The following MGAT4C variants were observed in gnomAD, a reference collection of about 807,000 sequenced individuals.
MGAT4C encodes the protein MGAT4 family member C.
Under a neutral mutation model 40.1 loss-of-function variants are expected in MGAT4C, and 19 were observed. The ratio of observed to expected loss-of-function variants is 0.47; its 90% CI spans 0.33 to 0.70. The LOEUF (loss-of-function observed/expected upper bound fraction) is 0.70. Among genes scored for constraint, MGAT4C ranks in the 30% least tolerant of loss-of-function variants. The pLI is 0.02. For missense variants in MGAT4C, 491 were observed against 563.2 expected, an observed-to-expected ratio of 0.87 and a Z score of 1.30; for synonymous variants, 181 against 187.1, an observed-to-expected ratio of 0.97 and a Z score of 0.27.
Position 86,100,017 on chromosome 12 carries a change from C to CTT in MGAT4C, c.-56-50296_-56-50295dup, listed in dbSNP as rs570261775. On this transcript the variant is annotated intron_variant, in intron 1 of 4. Coordinates refer to ENST00000611864, the MANE Select transcript of MGAT4C (RefSeq NM_001351288.2). Reference sequence around the variant, plus strand: ...AAACTACATTATAAGTGCACAAAAACTTTTTACTACCTTAGTTTTTTGAAT... The same window carrying CTT: ...AAACTACATTATAAGTGCACAAAAACTTTTTTTACTACCTTAGTTTTTTGAAT... Among the ~76,000 whole-genome samples the CTT allele has an allele frequency of 5.1e-3, 765 of 151,418 alleles. 4 individuals carry two copies. Among genetic ancestry groups the CTT allele is most frequent in the Middle Eastern group, 0.01 (3 of 292 alleles).
chr12:86,670,420 T>C (rs766386888), intron 2 of MGAT4C, among the ~76,000 whole-genome samples: 2 of 151,862 alleles, frequency 1.3e-5, no homozygotes, highest in African/African-American at 2.4e-5. Context: ...AAAAACTCAT[T>C]TAAGTAATTT....
intron 1 of MGAT4C, among the ~76,000 whole-genome samples, chr12:86,165,699 G>A (rs139766142): frequency 1.3e-5 from 2 of 152,138 alleles, no homozygotes; most frequent in South Asian, 4.1e-4. Flanking sequence ...AATTTAAAAC[G>A]ATGATATAAA....
At chr12:86,780,986 A>G (rs928368345) in intron 1 of MGAT4C, among the ~76,000 whole-genome samples, 2 of 150,710 alleles carry the variant, frequency 1.3e-5, no homozygotes, top group Non-Finnish European at 3.0e-5. Flanking sequence ...AAAAGACACG[A>G]TTTCATTCCT....
At position 85,959,422 on chromosome 12, in the gene MGAT4C, T is replaced by A. The variant is rs963671255; in HGVS notation, c.*19867A>T. ...TTCTTTTTTCCTTTTCTCTTCCCCT[T>A]TCTCTCTCTTTCTCTTTTTTATTTT... On this transcript the variant is annotated 3_prime_UTR_variant, in exon 5 of 5. Transcript: ENST00000611864. The A allele has an allele frequency of 6.6e-6, 1 of 152,030 alleles. No individual in the cohort carries two copies. Among genetic ancestry groups the A allele is most frequent in the African/African-American group, 2.4e-5 (1 of 41,426 alleles). The allele number at this position is 152,030 out of a possible 1,614,324, so 9.4% of individuals were successfully genotyped here.
intron 1 of MGAT4C, among the ~76,000 whole-genome samples, chr12:86,134,034 C>A: frequency 6.6e-6 from 1 of 151,792 alleles, no homozygotes; most frequent in East Asian, 1.9e-4. Flanking sequence ...TTTTATTTTT[C>A]TTGAATTCAA....
intron 2 of MGAT4C, among the ~76,000 whole-genome samples, chr12:86,641,008 G>C (rs1049933648): frequency 1.4e-4 from 21 of 152,052 alleles, no homozygotes; most frequent in Admixed American, 2.6e-4. Context: ...TTGCTGAGGA[G>C]AGCTTTACTT....
rs5799763 is a variant in MGAT4C at position 85,957,657 on chromosome 12, C to CAAAAAAAAA, written c.*21623_*21631dup. The CAAAAAAAAA allele has an allele frequency of 3.6e-3, 360 of 101,070 alleles. No homozygotes were observed. Among genetic ancestry groups the CAAAAAAAAA allele is most frequent in the Non-Finnish European group, 4.6e-3 (243 of 52,588 alleles). 6.3% of individuals were successfully genotyped at this position (101,070 alleles called of 1,614,324 possible). A position where few individuals can be genotyped will look rare whatever the true frequency, so the allele number is the denominator to read the frequency against. Reference sequence around the variant, plus strand: ...TTTACTGTAGAGTTGAATAAGAAAGCAAAAAAAAAAAAAAAAGAAAAAAGA... The same window carrying CAAAAAAAAA: ...TTTACTGTAGAGTTGAATAAGAAAGCAAAAAAAAAAAAAAAAAAAAAAAAAGAAAAAAGA... On this transcript the variant is annotated 3_prime_UTR_variant, in exon 5 of 5. Coordinates refer to ENST00000611864, the MANE Select transcript of MGAT4C (RefSeq NM_001351288.2).
chr12:86,373,697 A>G (rs1955765888), intron 3 of MGAT4C, among the ~76,000 whole-genome samples: 1 of 151,258 alleles, frequency 6.6e-6, no homozygotes, highest in Non-Finnish European at 1.5e-5. Flanking sequence ...TTACTACTGC[A>G]TTAACAAACC....
chr12:86,774,353 C>CTTTCTTTCTTTTT (rs1565981803), intron 1 of MGAT4C, among the ~76,000 whole-genome samples: 1 of 18,088 alleles, frequency 5.5e-5, no homozygotes, highest in Non-Finnish European at 1.3e-4. Context: ...CTCTCTCTCT[C>CTTTCTTTCTTTTT]CCCTCTCTCT....
intron 4 of MGAT4C, among the ~76,000 whole-genome samples, chr12:86,291,580 T>C (rs1383715114): frequency 1.3e-5 from 2 of 152,206 alleles, no homozygotes; most frequent in Admixed American, 6.5e-5. Flanking sequence ...TATTCTCGTG[T>C]TTTCCAAATG....
rs1883351818 is a variant in MGAT4C, at chr12:85,966,137, A to T, written c.*13152T>A. 1 of 152,218 alleles carries T rather than the reference A, an allele frequency of 6.6e-6. No individual in the cohort carries two copies. Among genetic ancestry groups the T allele is most frequent in the African/African-American group, 2.4e-5 (1 of 41,466 alleles). The allele number at this position is 152,218 out of a possible 1,614,324, so 9.4% of individuals were successfully genotyped here. A position where few individuals can be genotyped will look rare whatever the true frequency, so the allele number is the denominator to read the frequency against. On this transcript the variant is annotated 3_prime_UTR_variant, in exon 5 of 5. Transcript: ENST00000611864. ...TTTATTTTTGTACTATTAAAAATCT[A>T]AACAATAATAACCAGATGGAGGAAA...
At chr12:86,466,204 C>A (rs953714825) in intron 2 of MGAT4C, among the ~76,000 whole-genome samples, 1 of 49,762 alleles carries the variant, frequency 2.0e-5, no homozygotes, top group Non-Finnish European at 4.2e-5. Flanking sequence ...GATCAAGACT[C>A]CGTCAAAAAA....
At position 85,980,385 on chromosome 12, in the gene MGAT4C, T is replaced by A. The variant is rs1301532372; in HGVS notation, c.341A>T (p.Asn114Ile). The A allele has an allele frequency of 1.9e-6, 3 of 1,607,488 alleles. No individual in the cohort carries two copies. The South Asian group carries it at 3.3e-5, about 18-fold the overall frequency. Reference sequence around the variant, plus strand: ...TGACTTAATTGTCTCAAGTAAATAGTTTCCTTTTTTTCGCTTTACTGAAGA... The same window carrying A: ...TGACTTAATTGTCTCAAGTAAATAGATTCCTTTTTTTCGCTTTACTGAAGA... Reference protein sequence around the residue: ...GLSSVKRKKGNYLLETIKSIF... With the variant: ...GLSSVKRKKGIYLLETIKSIF... The change falls in exon 5 of 5, where the codon AAC (asparagine) becomes ATC (isoleucine). Residue 114 changes from asparagine to isoleucine, a missense_variant. By Grantham distance (149) the Asn-to-Ile change is moderately radical. Coordinates refer to ENST00000611864, the MANE Select transcript of MGAT4C (RefSeq NM_001351288.2).
chr12:86,273,938 T>G (rs149548545), intron 4 of MGAT4C, among the ~76,000 whole-genome samples: 1 of 152,238 alleles, frequency 6.6e-6, no homozygotes, highest in Admixed American at 6.5e-5. Flanking sequence ...AAATACCATG[T>G]AATTTATAAA....
chr12:86,428,132 A>C (rs1956964964), intron 3 of MGAT4C, among the ~76,000 whole-genome samples: 1 of 152,220 alleles, frequency 6.6e-6, no homozygotes, highest in African/African-American at 2.4e-5. Flanking sequence ...GGAATAAACA[A>C]TGCAGATGTT....
At chr12:86,704,396 G>A (rs1329228055) in intron 2 of MGAT4C, among the ~76,000 whole-genome samples, 2 of 151,626 alleles carry the variant, frequency 1.3e-5, no homozygotes, top group Admixed American at 6.6e-5. Flanking sequence ...TTGGAAAGAG[G>A]TCTTTTTACG....
intron 1 of MGAT4C, among the ~76,000 whole-genome samples, chr12:86,087,214 T>G (rs767335434): frequency 4.6e-5 from 7 of 152,068 alleles, no homozygotes; most frequent in Non-Finnish European, 1.0e-4. Flanking sequence ...GGTAGTTCTA[T>G]CTCCAGTGTT....
At chr12:86,359,520 C>A in intron 3 of MGAT4C, among the ~76,000 whole-genome samples, 1 of 151,676 alleles carries the variant, frequency 6.6e-6, no homozygotes, top group Admixed American at 6.6e-5. Context: ...AAAAACCCTT[C>A]AAAAAATCAA....
chr12:86,107,354 G>C (rs1876385941), intron 1 of MGAT4C, among the ~76,000 whole-genome samples: 1 of 151,984 alleles, frequency 6.6e-6, no homozygotes, highest in Non-Finnish European at 1.5e-5. Context: ...GAAAATCATT[G>C]TATGTGTGTG....
Sources: gnomAD v4.1 joint callset for allele counts (sites outside exome capture counted in the v4.1 genomes callset) on GRCh38, gnomAD v4.1.1 for gene constraint, MANE v1.5 for transcripts, NCBI Gene and HGNC (gene_info 2026-07-23, HGNC 2026-07-21) for gene names.